DLGAP1: variants seen among roughly 807,000 people sequenced by gnomAD.
The protein encoded by DLGAP1 is disks large-associated protein 1.
In DLGAP1, 11 loss-of-function variants were observed where a neutral mutation model predicts 90.8. That is an observed-to-expected ratio of 0.12 (90% CI 0.08 to 0.20). The LOEUF is 0.20. Among genes scored for constraint, DLGAP1 ranks in the 10% least tolerant of loss-of-function variants. DLGAP1 has a pLI of 1.00. For missense variants in DLGAP1, 1,050 were observed against 1,333.8 expected (o/e 0.79, Z 3.31); for synonymous variants, 558 against 540.7 (o/e 1.03, Z -0.44).
intron 1 of DLGAP1, among the ~76,000 whole-genome samples, chr18:4,367,524 T>C (rs941694488): frequency 3.3e-5 from 5 of 152,140 alleles, no homozygotes; most frequent in Admixed American, 2.6e-4. Context: ...GTTCTACCAA[T>C]ATTATTCCAA....
chr18:4,005,938 G>A (rs1355272314), intron 2 of DLGAP1, among the ~76,000 whole-genome samples: 2 of 152,082 alleles, frequency 1.3e-5, no homozygotes, highest in Admixed American at 6.5e-5. Flanking sequence ...ATCTCTAAAT[G>A]GTGATTTCCT....
intron 7 of DLGAP1, among the ~76,000 whole-genome samples, chr18:3,674,101 C>G (rs1418074501): frequency 1.3e-5 from 2 of 152,020 alleles, no homozygotes; most frequent in Non-Finnish European, 2.9e-5. Flanking sequence ...CTTGGCCTCC[C>G]AAAGTGCTGG....
At chr18:3,675,183 G>T (rs2060254756) in intron 7 of DLGAP1, among the ~76,000 whole-genome samples, 1 of 152,140 alleles carries the variant, frequency 6.6e-6, no homozygotes, top group South Asian at 2.1e-4. Context: ...CGATTATCCT[G>T]CCTCAGCCTC....
intron 1 of DLGAP1, among the ~76,000 whole-genome samples, chr18:4,238,767 T>G (rs764828883): frequency 2.6e-5 from 4 of 152,200 alleles, no homozygotes; most frequent in Admixed American, 1.3e-4. Context: ...GCTTTCATAT[T>G]ATTAGAAATG....
At chr18:4,109,653 G>C (rs2075936476) in intron 2 of DLGAP1, among the ~76,000 whole-genome samples, 2 of 152,042 alleles carry the variant, frequency 1.3e-5, no homozygotes, top group Admixed American at 6.6e-5. Flanking sequence ...CCTGAACCAG[G>C]TCCTCTCCTT....
intron 1 of DLGAP1, among the ~76,000 whole-genome samples, chr18:4,396,544 C>G (rs996713438): frequency 3.3e-5 from 5 of 152,102 alleles, no homozygotes; most frequent in African/African-American, 9.7e-5. Flanking sequence ...GAAGGTTTCC[C>G]GTAGATAAAC....
At chr18:3,561,253 TAAAAAAAAAAAAC>T (rs2054078235) in intron 9 of DLGAP1, among the ~76,000 whole-genome samples, 1 of 66,374 alleles carries the variant, frequency 1.5e-5, no homozygotes, top group East Asian at 3.8e-4. Flanking sequence ...CCGTCTCTAC[TAAAAAAAAAAAAC>T]AAAAAAAAAA....
At chr18:4,258,326 G>A (rs2078937986) in intron 1 of DLGAP1, among the ~76,000 whole-genome samples, 1 of 151,822 alleles carries the variant, frequency 6.6e-6, no homozygotes, top group Non-Finnish European at 1.5e-5. Context: ...TAACAGGCTT[G>A]AGCCACCACA....
intron 1 of DLGAP1, among the ~76,000 whole-genome samples, chr18:4,434,923 T>G (rs1283849505): frequency 6.6e-6 from 1 of 152,066 alleles, no homozygotes; most frequent in Non-Finnish European, 1.5e-5. Context: ...GCATAAAACC[T>G]CATGATGTAG....
intron 3 of DLGAP1, among the ~76,000 whole-genome samples, chr18:3,927,520 G>A (rs2072419183): frequency 6.6e-6 from 1 of 152,168 alleles, no homozygotes; most frequent in Non-Finnish European, 1.5e-5. Context: ...CATGACATAT[G>A]AGCAGAGTAA....
intron 3 of DLGAP1, among the ~76,000 whole-genome samples, chr18:3,991,903 C>A (rs549555530): frequency 6.6e-6 from 1 of 152,112 alleles, no homozygotes; most frequent in Non-Finnish European, 1.5e-5. Flanking sequence ...TCGAAGACCA[C>A]GGAAACATGG....
chr18:4,023,342 AAAC>A (rs2074645591), intron 2 of DLGAP1, among the ~76,000 whole-genome samples: 1 of 152,178 alleles, frequency 6.6e-6, no homozygotes, highest in Admixed American at 6.5e-5. Context: ...AACACTAGGA[AAAC>A]TTTGGGCTTT....
At chr18:3,799,049 T>G (rs2148308183) in intron 5 of DLGAP1, among the ~76,000 whole-genome samples, 1 of 152,260 alleles carries the variant, frequency 6.6e-6, no homozygotes, top group East Asian at 1.9e-4. Flanking sequence ...AATTTTTGTA[T>G]TTTTAGTACA....
chr18:4,020,817 C>T (rs953035413), intron 2 of DLGAP1, among the ~76,000 whole-genome samples: 3 of 152,180 alleles, frequency 2.0e-5, no homozygotes, highest in African/African-American at 7.2e-5. Flanking sequence ...GCCATACGGC[C>T]TCTGGTTGCA....
At chr18:3,664,926 C>G (rs377355851) in intron 7 of DLGAP1, among the ~76,000 whole-genome samples, 2 of 152,264 alleles carry the variant, frequency 1.3e-5, no homozygotes, top group Admixed American at 1.3e-4. Flanking sequence ...TTGTGAAAAT[C>G]TGGGTTCTCA....
At chr18:3,960,060 C>G (rs568094519) in intron 3 of DLGAP1, among the ~76,000 whole-genome samples, 1 of 152,324 alleles carries the variant, frequency 6.6e-6, no homozygotes. Flanking sequence ...AGTATTATCT[C>G]CAGTATCTTT....
rs1272877910 is a variant in DLGAP1 at position 3,991,113 on chromosome 18, T to C, written c.-73+14003A>G. 2.6e-5 allele frequency among the ~76,000 whole-genome samples: 4 copies of C among 152,054 alleles called. 1 individual carries two copies. Among genetic ancestry groups the C allele is most frequent in the Non-Finnish European group, 5.9e-5 (4 of 67,996 alleles). On this transcript the variant is annotated intron_variant, in intron 3 of 12. Coordinates refer to ENST00000315677, the MANE Select transcript of DLGAP1 (RefSeq NM_004746.4). Reference sequence around the variant, plus strand: ...CCCAGGTAATCAGCATAAAACTTTATAGGTAATTTTTCAAATTTTTTTAAA... The same window carrying C: ...CCCAGGTAATCAGCATAAAACTTTACAGGTAATTTTTCAAATTTTTTTAAA...
intron 7 of DLGAP1, among the ~76,000 whole-genome samples, chr18:3,588,748 C>T (rs1162466230): frequency 1.4e-5 from 2 of 146,244 alleles, no homozygotes; most frequent in African/African-American, 5.0e-5. Flanking sequence ...CCACTGCACT[C>T]CAGCCTGAGC....
intron 1 of DLGAP1, among the ~76,000 whole-genome samples, chr18:4,447,427 G>C (rs962629041): frequency 8.6e-5 from 13 of 151,994 alleles, no homozygotes; most frequent in Admixed American, 6.6e-5. Flanking sequence ...AGCAAAACAA[G>C]ACTATATTGC....
Sources: gnomAD v4.1 joint callset for allele counts (sites outside exome capture counted in the v4.1 genomes callset) on GRCh38, gnomAD v4.1.1 for gene constraint, MANE v1.5 for transcripts, NCBI Gene and HGNC (gene_info 2026-07-23, HGNC 2026-07-21) for gene names.